BTBD9: variants seen among roughly 807,000 people sequenced by gnomAD.
BTBD9 encodes the protein BTB/POZ domain-containing protein 9.
Under a neutral mutation model 64.3 loss-of-function variants are expected in BTBD9, and 49 were observed. The observed-to-expected ratio is 0.76, with a 90% CI of 0.61 to 0.97. The LOEUF (loss-of-function observed/expected upper bound fraction) is 0.97, where lower values mean the gene tolerates loss of function less well. Ranked by LOEUF, BTBD9 falls within the 50% of genes least tolerant of loss-of-function variation. BTBD9 has a pLI of 0.00. For missense variants in BTBD9, 598 were observed against 762.1 expected, an observed-to-expected ratio of 0.78 and a Z score of 2.53; for synonymous variants, 260 against 274.7, an observed-to-expected ratio of 0.95 and a Z score of 0.53.
intron 6 of BTBD9, among the ~76,000 whole-genome samples, chr6:38,446,849 C>T (rs574059205): frequency 5.3e-5 from 8 of 152,264 alleles, no homozygotes; most frequent in African/African-American, 1.4e-4. Context: ...CTAGGCAGAG[C>T]GGGATCAGTC....
intron 6 of BTBD9, among the ~76,000 whole-genome samples, chr6:38,568,664 T>G (rs1775626818): frequency 6.6e-6 from 1 of 152,200 alleles, no homozygotes; most frequent in Admixed American, 6.5e-5. Flanking sequence ...GGAAAACTGA[T>G]AGACTAACAT....
rs561525641 is a variant in BTBD9, at chr6:38,209,614, G to C, written c.1563-17017C>G. ...CCAATTAACGCTCAAAACCTCTGGG[G>C]GGGTGGGCCCTGCTTGAGTCCTTTT... is the stretch of plus-strand genomic sequence containing the variant. On this transcript the variant is annotated intron_variant, in intron 9 of 10. Coordinates refer to ENST00000481247, the MANE Select transcript of BTBD9 (RefSeq NM_001099272.2). Among the ~76,000 whole-genome samples, 9 of 152,304 alleles carry C rather than the reference G, an allele frequency of 5.9e-5. No individual in the cohort carries two copies. In the East Asian group the frequency reaches 1.5e-3, roughly 26 times the overall value.
In BTBD9 at chr6:38,431,748, T is replaced by A. The variant is rs563893971; in HGVS notation, c.1155-86655A>T. On this transcript the variant is annotated intron_variant, in intron 6 of 10. Coordinates refer to ENST00000481247, the MANE Select transcript of BTBD9 (RefSeq NM_001099272.2). ...CTGATAAATGAATAGTGTACCTCCTTACTAGTTTCTCTGCTTTCTACTCTT... is the reference window on the plus strand; with the variant it reads ...CTGATAAATGAATAGTGTACCTCCTAACTAGTTTCTCTGCTTTCTACTCTT... 2.0e-5 allele frequency among the ~76,000 whole-genome samples: 3 copies of A among 152,144 alleles called. No homozygotes were observed. In the East Asian group the frequency reaches 5.8e-4, roughly 29 times the overall value.
At chr6:38,292,389 T>C (rs1761996670) in intron 7 of BTBD9, among the ~76,000 whole-genome samples, 2 of 152,226 alleles carry the variant, frequency 1.3e-5, no homozygotes, top group African/African-American at 4.8e-5. Flanking sequence ...TCAGAAGGAA[T>C]GGTACCAGCT....
chr6:38,468,177 TC>T (rs1365555492), intron 6 of BTBD9, among the ~76,000 whole-genome samples: 1 of 152,124 alleles, frequency 6.6e-6, no homozygotes, highest in African/African-American at 2.4e-5. Context: ...CCATGCCCAG[TC>T]CCCCAGCACA....
chr6:38,438,389 G>C (rs1768853659), intron 6 of BTBD9, among the ~76,000 whole-genome samples: 1 of 152,320 alleles, frequency 6.6e-6, no homozygotes, highest in Middle Eastern at 3.4e-3. Context: ...ATGGTACAAG[G>C]TGCAGAGTAT....
intron 8 of BTBD9, among the ~76,000 whole-genome samples, chr6:38,286,058 G>A (rs999842462): frequency 6.6e-6 from 1 of 152,298 alleles, no homozygotes; most frequent in African/African-American, 2.4e-5. Flanking sequence ...AAGTTTATTT[G>A]TACAGGTAGC....
At chr6:38,192,893 C>G (rs144117111) in intron 9 of BTBD9, among the ~76,000 whole-genome samples, 1 of 124,332 alleles carries the variant, frequency 8.0e-6, no homozygotes, top group Non-Finnish European at 1.6e-5. Flanking sequence ...GCAGACCAAG[C>G]TCATTACAAC....
At chr6:38,251,093 A>AAATAAT (rs554465479) in intron 9 of BTBD9, among the ~76,000 whole-genome samples, 13 of 149,240 alleles carry the variant, frequency 8.7e-5, no homozygotes, top group African/African-American at 3.0e-4. Context: ...GAAAAAAAAA[A>AAATAAT]AATAATAATA....
chr6:38,331,036 G>C (rs1763654755), intron 7 of BTBD9, among the ~76,000 whole-genome samples: 1 of 152,156 alleles, frequency 6.6e-6, no homozygotes, highest in South Asian at 2.1e-4. Flanking sequence ...CAAAAAAAAT[G>C]ACTGATAGGA....
intron 10 of BTBD9, among the ~76,000 whole-genome samples, chr6:38,178,018 G>A (rs992784953): frequency 2.0e-5 from 3 of 152,198 alleles, no homozygotes; most frequent in Non-Finnish European, 2.9e-5. Context: ...GCCTGACTGA[G>A]CTCCCTGTGG....
At chr6:38,510,769 G>A (rs1772738803) in intron 6 of BTBD9, among the ~76,000 whole-genome samples, 1 of 151,922 alleles carries the variant, frequency 6.6e-6, no homozygotes, top group Non-Finnish European at 1.5e-5. Context: ...GCCTACACTG[G>A]GTTAGGATCA....
rs576970075 is a variant in BTBD9 at position 38,412,428 on chromosome 6, T to G, written c.1155-67335A>C. Among the ~76,000 whole-genome samples, 3 of 152,176 alleles carry G rather than the reference T, an allele frequency of 2.0e-5. No homozygotes were observed. The East Asian group carries it at 5.8e-4, about 29-fold the overall frequency. The stretch of plus-strand genomic sequence containing the variant: ...TCAAAGTTTGAAAAACATACTCTGT[T>G]GTTAAGAGTGTAGGGAAACAGGCCC... On this transcript the variant is annotated intron_variant, in intron 6 of 10. Transcript: ENST00000481247.
At chr6:38,492,342 G>A (rs990577046) in intron 6 of BTBD9, among the ~76,000 whole-genome samples, 1 of 152,082 alleles carries the variant, frequency 6.6e-6, no homozygotes, top group Non-Finnish European at 1.5e-5. Context: ...CTATGATCTT[G>A]GGAAAGTAAT....
intron 1 of BTBD9, among the ~76,000 whole-genome samples, chr6:38,633,818 GCGTCATGGCCCCATCCCTATACT>G (rs893148651): frequency 2.6e-5 from 4 of 151,176 alleles, no homozygotes; most frequent in Admixed American, 6.6e-5. Context: ...ATCTCTATAC[GCGTCATGGCCCCATCCCTATACT>G]CGTCATGGCC....
intron 7 of BTBD9, among the ~76,000 whole-genome samples, chr6:38,338,440 C>G (rs187816099): frequency 4.1e-4 from 62 of 152,174 alleles, no homozygotes; most frequent in African/African-American, 1.4e-3. Context: ...GTCTACTGTA[C>G]AGAACAAAAA....
intron 7 of BTBD9, among the ~76,000 whole-genome samples, chr6:38,305,793 T>G (rs1218469372): frequency 6.6e-6 from 1 of 152,168 alleles, no homozygotes; most frequent in East Asian, 1.9e-4. Context: ...CCTTAAAGAC[T>G]ATAAAAGGTC....
rs866880899 is a variant in BTBD9 at position 38,171,597 on chromosome 6, T to C, written c.*3388A>G. 1 of 67,290 alleles carries C rather than the reference T, an allele frequency of 1.5e-5. No homozygotes were observed. Among genetic ancestry groups the C allele is most frequent in the African/African-American group, 6.0e-5 (1 of 16,596 alleles). 4.2% of individuals were successfully genotyped at this position (67,290 alleles called of 1,614,324 possible). A position where few individuals can be genotyped will look rare whatever the true frequency, so the allele number is the denominator to read the frequency against. ...GTGTGTGTGTGTGTGTGTGTGTGTG[T>C]GTGTGTGAGAGGGAGAGACGGTGGG... On this transcript the variant is annotated 3_prime_UTR_variant, in exon 11 of 11. Transcript: ENST00000481247.
chr6:38,376,028 T>C (rs1765684949), intron 6 of BTBD9, among the ~76,000 whole-genome samples: 1 of 152,078 alleles, frequency 6.6e-6, no homozygotes, highest in African/African-American at 2.4e-5. Flanking sequence ...ATATGTCATG[T>C]TCAATATAAC....
Sources: gnomAD v4.1 joint callset for allele counts (sites outside exome capture counted in the v4.1 genomes callset) on GRCh38, gnomAD v4.1.1 for gene constraint, MANE v1.5 for transcripts, NCBI Gene and HGNC (gene_info 2026-07-23, HGNC 2026-07-21) for gene names.